GLIS3: variants seen among roughly 807,000 people sequenced by gnomAD.
GLIS3 encodes zinc finger protein GLIS3.
In GLIS3, 53 loss-of-function variants were observed where a neutral mutation model predicts 78.6. The observed-to-expected ratio is 0.67, with a 90% CI of 0.54 to 0.85. The LOEUF is 0.85. Among genes scored for constraint, GLIS3 ranks in the 40% least tolerant of loss-of-function variants. The pLI is 0.00. For synonymous variants in GLIS3, 684 were observed against 509.9 expected, an observed-to-expected ratio of 1.34 and a Z score of -4.60; for missense variants, 1,703 against 1,231.1, an observed-to-expected ratio of 1.38 and a Z score of -5.74.
At chr9:4,209,087 G>C (rs1820138860) in intron 2 of GLIS3, among the ~76,000 whole-genome samples, 1 of 152,160 alleles carries the variant, frequency 6.6e-6, no homozygotes, top group Non-Finnish European at 1.5e-5. Context: ...TTTAAAAGAT[G>C]ACATATAAAT....
intron 2 of GLIS3, among the ~76,000 whole-genome samples, chr9:4,279,594 T>C (rs976396795): frequency 6.6e-6 from 1 of 152,014 alleles, no homozygotes. Flanking sequence ...AAAATTAATG[T>C]ACTTTAAATA....
chr9:4,144,272 C>T (rs887286341), intron 2 of GLIS3, among the ~76,000 whole-genome samples: 2 of 152,176 alleles, frequency 1.3e-5, no homozygotes, highest in South Asian at 4.1e-4. Context: ...GCTCAACCGA[C>T]TTGTTTTTTG....
chr9:4,285,792 C>G, intron 2 of GLIS3: 1 of 524,544 alleles, frequency 1.9e-6, no homozygotes, highest in Non-Finnish European at 3.4e-6. Flanking sequence ...TTTTATCTTT[C>G]TATCTTACTG....
intron 4 of GLIS3, among the ~76,000 whole-genome samples, chr9:3,992,538 TAG>T (rs568849459): frequency 1.2e-3 from 188 of 152,328 alleles, no homozygotes; most frequent in Non-Finnish European, 2.2e-3. Flanking sequence ...GTTTATGAGA[TAG>T]AGTTGGTACA....
At chr9:4,342,173 T>C (rs531757834) in intron 2 of GLIS3, among the ~76,000 whole-genome samples, 2 of 152,384 alleles carry the variant, frequency 1.3e-5, no homozygotes, top group East Asian at 3.8e-4. Flanking sequence ...TCAAGGCCTA[T>C]GTCCAGAATG....
At chr9:3,984,811 T>C (rs368446659) in intron 4 of GLIS3, among the ~76,000 whole-genome samples, 27 of 152,296 alleles carry the variant, frequency 1.8e-4, no homozygotes, top group African/African-American at 4.8e-4. Context: ...TGGGAAGTGA[T>C]TGAATTGTGG....
chr9:4,284,218 G>C (rs1007475020), intron 2 of GLIS3, among the ~76,000 whole-genome samples: 2 of 152,188 alleles, frequency 1.3e-5, no homozygotes, highest in African/African-American at 2.4e-5. Flanking sequence ...AGTGCTGTTT[G>C]AGGAATAACT....
intron 2 of GLIS3, among the ~76,000 whole-genome samples, chr9:4,143,249 G>C (rs992101991): frequency 8.6e-5 from 13 of 152,004 alleles, no homozygotes; most frequent in African/African-American, 2.9e-4. Context: ...ATTTGTGTGT[G>C]TGTGTGTGTA....
chr9:4,397,699 AGGGAGG>A, the GLIS3 span, among the ~76,000 whole-genome samples: 1 of 42,596 alleles, frequency 2.3e-5, no homozygotes, highest in African/African-American at 1.2e-4. Context: ...GGAGGGAGGG[AGGGAGG>A]AAGGCAGGGA....
chr9:4,282,922 C>T (rs1184790091), intron 2 of GLIS3, among the ~76,000 whole-genome samples: 1 of 152,092 alleles, frequency 6.6e-6, no homozygotes, highest in East Asian at 1.9e-4. Context: ...TGATTCTTCT[C>T]CAGCTTCATC....
At chr9:3,837,969 T>G (rs538618628) in intron 9 of GLIS3, among the ~76,000 whole-genome samples, 2 of 126,632 alleles carry the variant, frequency 1.6e-5, no homozygotes, top group South Asian at 5.2e-4. Context: ...TGTGGTATGT[T>G]GGTAGTGGGA....
At chr9:4,025,654 G>T (rs1193916436) in intron 4 of GLIS3, among the ~76,000 whole-genome samples, 1 of 152,130 alleles carries the variant, frequency 6.6e-6, no homozygotes. Flanking sequence ...CCAAAATGCT[G>T]GGATTACAGG....
At chr9:4,408,886 G>A in the GLIS3 span, among the ~76,000 whole-genome samples, 423 of 151,946 alleles carry the variant, frequency 2.8e-3, 5 homozygotes, top group Middle Eastern at 0.014. Context: ...TGAGGAGATG[G>A]ATACCCAGTT....
At chr9:4,371,344 G>T in the GLIS3 span, among the ~76,000 whole-genome samples, 1 of 152,106 alleles carries the variant, frequency 6.6e-6, no homozygotes, top group Admixed American at 6.5e-5. Flanking sequence ...GTCCCCGAAG[G>T]CCCACTCCAC....
At chr9:4,107,903 T>C (rs1321926757) in intron 4 of GLIS3, among the ~76,000 whole-genome samples, 1 of 152,178 alleles carries the variant, frequency 6.6e-6, no homozygotes, top group Non-Finnish European at 1.5e-5. Context: ...ACAGTGCAAA[T>C]AACAGAATAA....
At chr9:3,998,702 CCATT>C (rs1375846858) in intron 4 of GLIS3, among the ~76,000 whole-genome samples, 1 of 149,874 alleles carries the variant, frequency 6.7e-6, no homozygotes, top group East Asian at 1.9e-4. Context: ...CTTTCTGTTT[CCATT>C]CAGTTTTAAG....
chr9:4,355,311 T>C, the GLIS3 span, among the ~76,000 whole-genome samples: 1 of 151,986 alleles, frequency 6.6e-6, no homozygotes, highest in African/African-American at 2.4e-5. Context: ...CAGGTTGGCT[T>C]TGTGTAAACT....
At chr9:4,137,678 C>T (rs1319118500) in intron 2 of GLIS3, among the ~76,000 whole-genome samples, 2 of 152,126 alleles carry the variant, frequency 1.3e-5, no homozygotes, top group African/African-American at 4.8e-5. Context: ...ATTCTAAAGT[C>T]CCATCCGTCA....
At chr9:4,243,169 G>C (rs1823478835) in intron 2 of GLIS3, among the ~76,000 whole-genome samples, 1 of 152,100 alleles carries the variant, frequency 6.6e-6, no homozygotes, top group African/African-American at 2.4e-5. Context: ...TCCGATTTTG[G>C]TATCAAACCC....
Sources: gnomAD v4.1 joint callset for allele counts (sites outside exome capture counted in the v4.1 genomes callset) on GRCh38, gnomAD v4.1.1 for gene constraint, MANE v1.5 for transcripts, NCBI Gene and HGNC (gene_info 2026-07-23, HGNC 2026-07-21) for gene names.